The following MYMX variants were observed in gnomAD, a reference collection of about 807,000 sequenced individuals.
MYMX encodes protein myomixer.
chr6:44,198,625 GC>G, the MYMX span, among the ~76,000 whole-genome samples: 1 of 151,824 alleles, frequency 6.6e-6, no homozygotes, highest in African/African-American at 2.4e-5. Flanking sequence ...TCCCACCTCA[GC>G]CTCCCCAGTA....
At chr6:44,209,528 T>C in the MYMX span, among the ~76,000 whole-genome samples, 2 of 152,370 alleles carry the variant, frequency 1.3e-5, no homozygotes, top group South Asian at 4.1e-4. Flanking sequence ...CTTTGTCTAA[T>C]GTTTCATAAG....
At chr6:44,205,991 AACAAAAC>A in the MYMX span, among the ~76,000 whole-genome samples, 31 of 91,730 alleles carry the variant, frequency 3.4e-4, 5 homozygotes, top group Middle Eastern at 7.5e-3. Flanking sequence ...AAAAAAAAAA[AACAAAAC>A]AAAAAAAAAC....
chr6:44,203,120 G>A, the MYMX span, among the ~76,000 whole-genome samples: 1 of 152,200 alleles, frequency 6.6e-6, no homozygotes, highest in Non-Finnish European at 1.5e-5. Context: ...ACGCACTTTG[G>A]TGGTTCTCAG....
chr6:44,197,787 A>G, the MYMX span, among the ~76,000 whole-genome samples: 1 of 152,060 alleles, frequency 6.6e-6, no homozygotes, highest in African/African-American at 2.4e-5. Flanking sequence ...GGGCCTCACT[A>G]TGTTGCCCAG....
upstream of MYMX, among the ~76,000 whole-genome samples, chr6:44,216,255 C>T (rs1775857186): frequency 1.3e-5 from 2 of 152,220 alleles, no homozygotes; most frequent in African/African-American, 4.8e-5. Flanking sequence ...CATATATTGT[C>T]CTGTTCCAGT....
chr6:44,193,077 C>T, the MYMX span, among the ~76,000 whole-genome samples: 1 of 152,108 alleles, frequency 6.6e-6, no homozygotes, highest in East Asian at 1.9e-4. Context: ...TGTCTTCCTA[C>T]CACCCTTTTC....
At chr6:44,192,835 G>A in the MYMX span, among the ~76,000 whole-genome samples, 2 of 152,102 alleles carry the variant, frequency 1.3e-5, no homozygotes, top group African/African-American at 4.8e-5. Context: ...GTTTCCTCCT[G>A]CCTCTCCTAC....
chr6:44,197,742 T>C, the MYMX span, among the ~76,000 whole-genome samples: 58 of 152,274 alleles, frequency 3.8e-4, no homozygotes, highest in Non-Finnish European at 7.8e-4. Context: ...GTCATTTTCT[T>C]ATTGATTATA....
upstream of MYMX, among the ~76,000 whole-genome samples, chr6:44,215,088 T>C (rs975708254): frequency 6.6e-6 from 1 of 152,146 alleles, no homozygotes; most frequent in Non-Finnish European, 1.5e-5. Flanking sequence ...TTTGACCTGG[T>C]AAGTTTTCTT....
At chr6:44,211,788 T>TTTTGTGTGTGTGTGTG in the MYMX span, among the ~76,000 whole-genome samples, 41 of 126,430 alleles carry the variant, frequency 3.2e-4, no homozygotes, top group African/African-American at 1.1e-3. Context: ...CAGCTAGGTT[T>TTTTGTGTGTGTGTGTG]TGTGTGTGTG....
chr6:44,199,352 G>A, the MYMX span, among the ~76,000 whole-genome samples: 80 of 150,926 alleles, frequency 5.3e-4, no homozygotes, highest in African/African-American at 1.9e-3. Context: ...GTGTGCCACT[G>A]TGCCCCCTAA....
upstream of MYMX, among the ~76,000 whole-genome samples, chr6:44,216,687 A>G (rs1279034073): frequency 6.6e-6 from 1 of 151,744 alleles, no homozygotes; most frequent in Non-Finnish European, 1.5e-5. Context: ...AAGAGAAAGA[A>G]AAGAGAAAGT....
the MYMX span, among the ~76,000 whole-genome samples, chr6:44,193,394 A>AT: frequency 6.6e-6 from 1 of 152,066 alleles, no homozygotes; most frequent in Admixed American, 6.6e-5. Flanking sequence ...GTACCATTCT[A>AT]ACATTCAACC....
At chr6:44,196,707 C>A in the MYMX span, among the ~76,000 whole-genome samples, 2 of 152,094 alleles carry the variant, frequency 1.3e-5, no homozygotes, top group Non-Finnish European at 2.9e-5. Flanking sequence ...GCCTGTAATC[C>A]CAACACTTTG....
the MYMX span, among the ~76,000 whole-genome samples, chr6:44,200,085 T>C: frequency 6.6e-6 from 1 of 152,012 alleles, no homozygotes; most frequent in Non-Finnish European, 1.5e-5. Context: ...GGAGGATTGC[T>C]TGAACTTAGG....
At chr6:44,203,520 G>A in the MYMX span, among the ~76,000 whole-genome samples, 1 of 152,144 alleles carries the variant, frequency 6.6e-6, no homozygotes, top group Non-Finnish European at 1.5e-5. Context: ...TCCATTACTG[G>A]TGAGATTCAA....
At chr6:44,206,116 T>G in the MYMX span, among the ~76,000 whole-genome samples, 1 of 151,988 alleles carries the variant, frequency 6.6e-6, no homozygotes, top group African/African-American at 2.4e-5. Context: ...AATGCAGGAT[T>G]CCAGGTAAGA....
chr6:44,204,321 T>C, the MYMX span, among the ~76,000 whole-genome samples: 1 of 152,108 alleles, frequency 6.6e-6, no homozygotes, highest in Non-Finnish European at 1.5e-5. Flanking sequence ...TGGGTAATAT[T>C]TGAGCAAAGA....
chr6:44,201,959 C>T, the MYMX span, among the ~76,000 whole-genome samples: 1 of 151,982 alleles, frequency 6.6e-6, no homozygotes, highest in Non-Finnish European at 1.5e-5. Flanking sequence ...AACTCAGAAG[C>T]ACCTCCAGCC....
Sources: allele counts gnomAD v4.1 joint callset (sites outside exome capture counted in the v4.1 genomes callset), GRCh38; gene constraint gnomAD v4.1.1; transcripts MANE v1.5; gene names NCBI Gene and HGNC (gene_info 2026-07-23, HGNC 2026-07-21).